The following IL17D variants were observed in gnomAD, a reference collection of about 807,000 sequenced individuals.
The protein encoded by IL17D is interleukin 17D.
In IL17D, 10 loss-of-function variants were observed where a neutral mutation model predicts 5.7. The ratio of observed to expected loss-of-function variants is 1.75; its 90% confidence interval spans 1.08 to 2.97. The LOEUF (loss-of-function observed/expected upper bound fraction) is 2.97. IL17D is among the 30% of genes most tolerant of loss of function. The pLI, the probability that IL17D is intolerant of heterozygous loss-of-function variation, is 0.00. For missense variants in IL17D, 354 were observed against 292.7 expected (o/e 1.21, Z -1.53); for synonymous variants, 172 against 141.7 (o/e 1.21, Z -1.52).
intron 1 of IL17D, among the ~76,000 whole-genome samples, chr13:20,719,247 G>T (rs988488596): frequency 2.4e-5 from 3 of 125,170 alleles, no homozygotes; most frequent in Non-Finnish European, 3.3e-5. Context: ...ACACGCACCT[G>T]CCCAAACATG....
intron 1 of IL17D, among the ~76,000 whole-genome samples, chr13:20,706,650 G>C (rs960072530): frequency 6.6e-6 from 1 of 152,248 alleles, no homozygotes; most frequent in Non-Finnish European, 1.5e-5. Context: ...GACAATGACT[G>C]GTTGGAGCTC....
chr13:20,704,172 G>C lies in IL17D; in HGVS notation c.171G>C (p.Thr57=). 1 of 1,370,160 alleles carries C rather than the reference G, an allele frequency of 7.3e-7. No homozygotes were observed. Among genetic ancestry groups the C allele is most frequent in the Non-Finnish European group, 9.5e-7 (1 of 1,054,372 alleles). 84.9% of individuals were successfully genotyped at this position (1,370,160 alleles called of 1,614,324 possible). A position where few individuals can be genotyped will look rare whatever the true frequency, so the allele number is the denominator to read the frequency against. The part of the protein sequence containing the change: ...AAGVLSAFHH[T]LQLGPREQAR... ...GCGTGCTCAGTGCCTTCCACCACACGCTGCAGCTGGGGCCGCGTGAGCAGG... is the reference window on the plus strand; with the variant it reads ...GCGTGCTCAGTGCCTTCCACCACACCCTGCAGCTGGGGCCGCGTGAGCAGG... Residue 57 remains threonine (T), a synonymous_variant, in exon 1 of 2, where the codon ACG becomes ACC. Coordinates refer to ENST00000682841, the MANE Select transcript of IL17D (RefSeq NM_001385224.1).
intron 1 of IL17D, among the ~76,000 whole-genome samples, chr13:20,719,329 C>T (rs760436574): frequency 8.1e-5 from 12 of 147,940 alleles, no homozygotes; most frequent in Non-Finnish European, 1.8e-4. Context: ...ACTCAGATGC[C>T]CACACTCACC....
At chr13:20,704,333 AG>A in intron 1 of IL17D, 42 bp downstream of exon 1, 1 of 233,154 alleles carries the variant, frequency 4.3e-6, no homozygotes, top group Non-Finnish European at 5.9e-6. Flanking sequence ...GCAGGTGGGG[AG>A]GGCAGGGCTG....
chr13:20,721,390 G>A (rs905691515), intron 1 of IL17D, among the ~76,000 whole-genome samples: 12 of 152,226 alleles, frequency 7.9e-5, no homozygotes, highest in Middle Eastern at 3.2e-3. Context: ...ATTTTTCTGC[G>A]CACATTAGCC....
At chr13:20,719,406 C>T (rs559597214) in intron 1 of IL17D, among the ~76,000 whole-genome samples, 10 of 150,478 alleles carry the variant, frequency 6.6e-5, no homozygotes, top group South Asian at 4.2e-4. Flanking sequence ...CCTGCCCATG[C>T]TCACAGCTTC....
At chr13:20,720,197 C>A (rs898054537) in intron 1 of IL17D, among the ~76,000 whole-genome samples, 1 of 152,142 alleles carries the variant, frequency 6.6e-6, no homozygotes, top group Non-Finnish European at 1.5e-5. Flanking sequence ...ACTCTGCTCT[C>A]CTCTGCCTCT....
chr13:20,701,622 T>C (rs1271234273), upstream of IL17D: 1 of 152,302 alleles, frequency 6.6e-6, no homozygotes, highest in South Asian at 2.1e-4. Context: ...ACAGATATGT[T>C]GGTTTTAAGG....
chr13:20,718,752 C>T lies in IL17D; in HGVS notation c.291-2884C>T, dbSNP rs1595002437. Among the ~76,000 whole-genome samples, 3 of 135,802 alleles carry T rather than the reference C, an allele frequency of 2.2e-5. No individual in the cohort carries two copies. The Admixed American group carries it at 2.2e-4, about 10-fold the overall frequency. The allele number at this position is 135,802 out of a possible 152,430, so 89.1% of individuals were successfully genotyped here. The stretch of plus-strand genomic sequence containing the variant: ...CATGGCTACGCTCACACACACCTGC[C>T]TGTGCTCACACACCCGCCCATGCTC... On this transcript the variant is annotated intron_variant, in intron 1 of 1. Coordinates refer to ENST00000682841, the MANE Select transcript of IL17D (RefSeq NM_001385224.1).
At chr13:20,710,384 T>G (rs1341953579) in intron 1 of IL17D, among the ~76,000 whole-genome samples, 3 of 134,418 alleles carry the variant, frequency 2.2e-5, no homozygotes, top group Non-Finnish European at 4.7e-5. Flanking sequence ...GAGGCCGAGG[T>G]GGGTGGATCA....
At chr13:20,711,340 G>A (rs982381883) in intron 1 of IL17D, among the ~76,000 whole-genome samples, 1 of 133,000 alleles carries the variant, frequency 7.5e-6, no homozygotes, top group Non-Finnish European at 1.6e-5. Flanking sequence ...GTCTGGTGCT[G>A]GCATCTGGTG....
At chr13:20,719,906 G>C (rs1299706443) in intron 1 of IL17D, among the ~76,000 whole-genome samples, 1 of 152,192 alleles carries the variant, frequency 6.6e-6, no homozygotes, top group African/African-American at 2.4e-5. Context: ...GCAGGTGTGG[G>C]CCCAGCCAGG....
In IL17D at chr13:20,716,190, C is replaced by T; in HGVS notation, c.291-5446C>T. Reference sequence around the variant, plus strand: ...CTCTTGGAGAGGGATGCTACATGTCCCTCAGTGTCCCCAGAGGACGGCGGA... The same window carrying T: ...CTCTTGGAGAGGGATGCTACATGTCTCTCAGTGTCCCCAGAGGACGGCGGA... On this transcript the variant is annotated intron_variant, in intron 1 of 1. Coordinates refer to ENST00000682841, the MANE Select transcript of IL17D (RefSeq NM_001385224.1). The surrounding 1 kb of genome is among the most constrained non-coding windows in gnomAD (Gnocchi z 4.2). The T allele has an allele frequency of 3.1e-6, 2 of 645,954 alleles. No homozygotes were observed. Among genetic ancestry groups the T allele is most frequent in the Non-Finnish European group, 3.9e-6 (2 of 519,454 alleles). The allele number at this position is 645,954 out of a possible 1,614,324, so 40.0% of individuals were successfully genotyped here.
intron 1 of IL17D, among the ~76,000 whole-genome samples, chr13:20,715,217 A>G (rs1256295702): frequency 3.3e-5 from 5 of 152,214 alleles, no homozygotes; most frequent in East Asian, 1.9e-4. Flanking sequence ...TTTAAAAAAG[A>G]CCAGCCCCCC....
chr13:20,719,192 A>G (rs1595002919), intron 1 of IL17D, among the ~76,000 whole-genome samples: 1 of 129,120 alleles, frequency 7.7e-6, no homozygotes, highest in Non-Finnish European at 1.6e-5. Flanking sequence ...ACACTCACAG[A>G]TGCCCACACC....
chr13:20,720,874 A>AACCCCCCCCCCCCCC (rs1566522185), intron 1 of IL17D, among the ~76,000 whole-genome samples: 2 of 75,716 alleles, frequency 2.6e-5, no homozygotes, highest in Non-Finnish European at 4.9e-5. Context: ...CTCCCTCCCA[A>AACCCCCCCCCCCCCC]CCCCCCCCCC....
upstream of IL17D, chr13:20,703,608 C>T (rs2058561665): frequency 5.4e-6 from 1 of 186,540 alleles, no homozygotes; most frequent in Non-Finnish European, 1.0e-5. Context: ...GGCGGCGGAG[C>T]AGGGATGGCG....
Position 20,721,779 on chromosome 13 carries a change from G to T in IL17D, c.434G>T (p.Arg145Leu). 6.2e-7 allele frequency: 1 copy of T among 1,609,168 alleles called. No individual in the cohort carries two copies. The highest frequency in any genetic ancestry group is 8.5e-7 in the Non-Finnish European group (1 of 1,179,718). Residue 145 changes from arginine to leucine, a missense_variant, in exon 2 of 2, where the codon CGC becomes CTC. Physicochemically the swap from Arg to Leu is moderately radical, Grantham distance 102. Coordinates refer to ENST00000682841, the MANE Select transcript of IL17D (RefSeq NM_001385224.1). ...PVYMPTVVLR[R>L]TPACAGGRSV... ...TACATGCCCACCGTCGTCCTGCGCC[G>T]CACCCCCGCCTGCGCCGGCGGCCGT...
chr13:20,715,939 T>TA (rs1469766224), intron 1 of IL17D: 1 of 159,824 alleles, frequency 6.3e-6, no homozygotes, highest in African/African-American at 2.4e-5. Context: ...TTTGTAGAGA[T>TA]AGAGTCTCAC....
Sources: allele counts gnomAD v4.1 joint callset (sites outside exome capture counted in the v4.1 genomes callset), GRCh38; gene constraint gnomAD v4.1.1; non-coding constraint Gnocchi (gnomAD v3.1); transcripts MANE v1.5; gene names NCBI Gene and HGNC (gene_info 2026-07-23, HGNC 2026-07-21).